PTH1R: variants seen among roughly 807,000 people sequenced by gnomAD.
PTH1R encodes parathyroid hormone/parathyroid hormone-related peptide receptor.
A neutral mutation model predicts 70.7 loss-of-function variants in PTH1R; 32 were observed. The observed-to-expected ratio is 0.45, with a 90% CI of 0.34 to 0.61. The LOEUF (loss-of-function observed/expected upper bound fraction) is 0.61. Ranked by LOEUF, PTH1R falls within the 20% of genes least tolerant of loss-of-function variation. The pLI, the probability that PTH1R is intolerant of heterozygous loss-of-function variation, is 0.01. For synonymous variants in PTH1R, 329 were observed against 324.8 expected (o/e 1.01, Z -0.14); for missense variants, 626 against 792.5 (o/e 0.79, Z 2.52).
rs1336734745 is a variant in PTH1R at position 46,902,779 on chromosome 3, T to G, written c.1384T>G (p.Cys462Gly). ...GFFVAIIYCF[C>G]NGEVQAEIKK... ...TTTTGTCGCAATCATATACTGTTTC[T>G]GCAATGGCGAGGTAAGCAGGAGACA... The change falls in exon 15 of 16, where the codon TGC (cysteine) becomes GGC (glycine). Residue 462 changes from cysteine (C) to glycine (G), a missense_variant. Transcript: ENST00000449590. This position sits in a 1 kb window ranked among gnomAD's most constrained non-coding sequence, Gnocchi z 5.4. The G allele has an allele frequency of 6.2e-7, 1 of 1,613,798 alleles. No individual in the cohort carries two copies. Among genetic ancestry groups the G allele is most frequent in the South Asian group, 1.1e-5 (1 of 91,084 alleles).
chr3:46,888,642 C>A (rs774122545), intron 3 of PTH1R, among the ~76,000 whole-genome samples: 8 of 151,834 alleles, frequency 5.3e-5, no homozygotes, highest in Admixed American at 3.9e-4. Context: ...GACCTTCAAA[C>A]CCTTAAAAGC....
In PTH1R at chr3:46,893,712, C is replaced by T. The variant is rs575631334; in HGVS notation, c.76-195C>T. On this transcript the variant is annotated intron_variant, in intron 3 of 15. Coordinates refer to ENST00000449590, the MANE Select transcript of PTH1R (RefSeq NM_000316.3). The surrounding 1 kb of genome is among the most constrained non-coding windows in gnomAD (Gnocchi z 5.2). ...TCCCTTCGATCAGGCAGGCCCTACCCCTCAGAGCCACAGCTTCCCATCTGT... is the reference window on the plus strand; with the variant it reads ...TCCCTTCGATCAGGCAGGCCCTACCTCTCAGAGCCACAGCTTCCCATCTGT... 1.3e-5 allele frequency among the ~76,000 whole-genome samples: 2 copies of T among 152,332 alleles called. No individual in the cohort carries two copies. The highest frequency in any genetic ancestry group is 4.8e-5 in the African/African-American group (2 of 41,560).
chr3:46,886,546 A>G (rs2031042658), intron 3 of PTH1R, among the ~76,000 whole-genome samples: 1 of 151,986 alleles, frequency 6.6e-6, no homozygotes, highest in Non-Finnish European at 1.5e-5. Context: ...TTTAGTAGAG[A>G]TGGAGTTTCA....
intron 10 of PTH1R, among the ~76,000 whole-genome samples, chr3:46,900,683 T>A (rs1388186870): frequency 1.3e-5 from 2 of 152,070 alleles, no homozygotes; most frequent in Non-Finnish European, 2.9e-5. Context: ...CCATGGGAGC[T>A]GCAAGTCCAA....
chr3:46,879,691 G>A lies in PTH1R; in HGVS notation c.-105-1371G>A, dbSNP rs748436795. On this transcript the variant is annotated intron_variant, in intron 1 of 15. Coordinates refer to ENST00000449590, the MANE Select transcript of PTH1R (RefSeq NM_000316.3). The surrounding 1 kb of genome is among the most constrained non-coding windows in gnomAD (Gnocchi z 4.7). Reference sequence around the variant, plus strand: ...GAGCCCAGGAGGTCAAGGCTGCTGTGAGCCATGACCGTGCCACTGCACTCC... The same window carrying A: ...GAGCCCAGGAGGTCAAGGCTGCTGTAAGCCATGACCGTGCCACTGCACTCC... Among the ~76,000 whole-genome samples, 1 of 152,162 alleles carries A rather than the reference G, an allele frequency of 6.6e-6. No individual in the cohort carries two copies. The highest frequency in any genetic ancestry group is 1.5e-5 in the Non-Finnish European group (1 of 68,026).
chr3:46,895,319 C>T (rs900403862), intron 4 of PTH1R, among the ~76,000 whole-genome samples: 2 of 152,202 alleles, frequency 1.3e-5, no homozygotes, highest in African/African-American at 4.8e-5. Flanking sequence ...TTAATTTTCG[C>T]TATGTAACCT....
chr3:46,883,568 C>G lies in PTH1R; in HGVS notation c.9C>G (p.Thr3=). 2 of 1,537,240 alleles carry G rather than the reference C, an allele frequency of 1.3e-6. No homozygotes were observed. The highest frequency in any genetic ancestry group is 1.8e-4 in the Middle Eastern group (1 of 5,426). ...GGCCCTAGGCGGTGGCGATGGGGAC[C>G]GCCCGGATCGCACCCGGCCTGGCGC... MG[T]ARIAPGLALL... The change falls in exon 3 of 16, where the codon ACC becomes ACG. Residue 3 remains threonine, a synonymous_variant. Coordinates refer to ENST00000449590, the MANE Select transcript of PTH1R (RefSeq NM_000316.3). The surrounding 1 kb of genome is among the most constrained non-coding windows in gnomAD (Gnocchi z 6.4).
Position 46,898,797 on chromosome 3 carries a change from G to A in PTH1R, c.774G>A (p.Glu258=). 1 of 1,595,034 alleles carries A rather than the reference G, an allele frequency of 6.3e-7. No homozygotes were observed. The highest frequency in any genetic ancestry group is 8.5e-7 in the Non-Finnish European group (1 of 1,175,698). Residue 258 remains glutamate (E), a synonymous_variant, in exon 9 of 16, where the codon GAG becomes GAA. Transcript: ENST00000449590. ...ATLDEAERLT[E]EELRAIAQAP... is the part of the protein sequence containing the mutation. ...TTGATGAGGCTGAGCGCCTCACCGAGGAGGAGCTGCGCGCCATCGCCCAGG... is the reference window on the plus strand; with the variant it reads ...TTGATGAGGCTGAGCGCCTCACCGAAGAGGAGCTGCGCGCCATCGCCCAGG...
chr3:46,899,486 C>T (rs570456160), intron 10 of PTH1R, 30 bp downstream of exon 10: 17 of 1,601,610 alleles, frequency 1.1e-5, no homozygotes, highest in African/African-American at 5.4e-5. Context: ...AGCGAGGTGC[C>T]GGCAGGGGTG....
chr3:46,897,440 A>G (rs2031816551), intron 5 of PTH1R, among the ~76,000 whole-genome samples: 2 of 152,134 alleles, frequency 1.3e-5, no homozygotes, highest in Non-Finnish European at 2.9e-5. Context: ...GGAACCAACA[A>G]CCACTGATGG....
chr3:46,898,836 T>A lies in PTH1R; in HGVS notation c.813T>A (p.Pro271=). 6.4e-7 allele frequency: 1 copy of A among 1,553,460 alleles called. No individual in the cohort carries two copies. The stretch of plus-strand genomic sequence containing the variant: ...CCATCGCCCAGGCGCCCCCGCCGCC[T>A]GCCACCGCCGCTGCCGGCTACGTGA... The part of the protein sequence containing the change: ...LRAIAQAPPP[P]ATAAAGYAGC... The change falls in exon 9 of 16, where the codon CCT becomes CCA. Residue 271 remains proline (P), a synonymous_variant. Coordinates refer to ENST00000449590, the MANE Select transcript of PTH1R (RefSeq NM_000316.3).
At chr3:46,898,948 C>G (rs1420807703) in intron 9 of PTH1R, 91 bp downstream of exon 9, 4 of 939,030 alleles carry the variant, frequency 4.3e-6, no homozygotes, top group African/African-American at 1.7e-5. Context: ...CTCGCCCTGC[C>G]CGCCTCCTGC....
At position 46,893,743 on chromosome 3, in the gene PTH1R, G is replaced by A. The variant is rs61586446; in HGVS notation, c.76-164G>A. ...AGCCACAGCTTCCCATCTGTAAGGT[G>A]TGAGCTCCATAGAGCAGATTCCCCA... is the stretch of plus-strand genomic sequence containing the variant. On this transcript the variant is annotated intron_variant, in intron 3 of 15. Coordinates refer to ENST00000449590, the MANE Select transcript of PTH1R (RefSeq NM_000316.3). This position sits in a 1 kb window ranked among gnomAD's most constrained non-coding sequence, Gnocchi z 5.2. Among the ~76,000 whole-genome samples, 8 of 152,316 alleles carry A rather than the reference G, an allele frequency of 5.3e-5. No homozygotes were observed. In the East Asian group the frequency reaches 1.5e-3, roughly 29 times the overall value.
rs540920290 is a variant in PTH1R at position 46,883,148 on chromosome 3, A to AAAAGAAAGAAAG, written c.-48-344_-48-333dup. On this transcript the variant is annotated intron_variant, in intron 2 of 15. Transcript: ENST00000449590. This position sits in a 1 kb window ranked among gnomAD's most constrained non-coding sequence, Gnocchi z 6.4. Reference sequence around the variant, plus strand: ...AGCTCCCATTTCCCCAAAAGAAAAAAAAAGAAAGAAAGAAAGAAAGAAAGA... The same window carrying AAAAGAAAGAAAG: ...AGCTCCCATTTCCCCAAAAGAAAAAAAAAGAAAGAAAGAAAGAAAGAAAGAAAGAAAGAAAGA... Among the ~76,000 whole-genome samples the AAAAGAAAGAAAG allele has an allele frequency of 4.5e-3, 641 of 142,234 alleles. 5 individuals carry two copies. Among genetic ancestry groups the AAAAGAAAGAAAG allele is most frequent in the Non-Finnish European group, 3.9e-3 (254 of 64,928 alleles). 93.3% of individuals were successfully genotyped at this position (142,234 alleles called of 152,430 possible).
At position 46,893,996 on chromosome 3, in the gene PTH1R, C is replaced by G; in HGVS notation, c.165C>G (p.Val55=). 6.2e-7 allele frequency: 1 copy of G among 1,614,024 alleles called. No individual in the cohort carries two copies. The highest frequency in any genetic ancestry group is 8.5e-7 in the Non-Finnish European group (1 of 1,180,002). The change falls in exon 4 of 16, where the codon GTC becomes GTG. Residue 55 remains valine (V), a synonymous_variant. Coordinates refer to ENST00000449590, the MANE Select transcript of PTH1R (RefSeq NM_000316.3). The surrounding 1 kb of genome is among the most constrained non-coding windows in gnomAD (Gnocchi z 5.2). ...AGTGCGAAAAACGGCTCAAGGAGGT[C>G]CTGCAGAGGCCAGGTGGGGGTCAAA... ...QAQCEKRLKE[V]LQRPASIMES...
At position 46,903,710 on chromosome 3, in the gene PTH1R, A is replaced by G. The variant is rs1477707892; in HGVS notation, c.*54A>G. On this transcript the variant is annotated 3_prime_UTR_variant, in exon 16 of 16. Transcript: ENST00000449590. The surrounding 1 kb of genome is among the most constrained non-coding windows in gnomAD (Gnocchi z 4.4). ...ATAGTGGATGGACAGATGGACCAAAAGATGGGTGGTTGAATGATTTCCCAC... is the reference window on the plus strand; with the variant it reads ...ATAGTGGATGGACAGATGGACCAAAGGATGGGTGGTTGAATGATTTCCCAC... 2 of 1,600,236 alleles carry G rather than the reference A, an allele frequency of 1.2e-6. No homozygotes were observed. The highest frequency in any genetic ancestry group is 2.2e-5 in the East Asian group (1 of 44,896).
rs1196581652 is a variant in PTH1R at position 46,891,469 on chromosome 3, G to T, written c.76-2438G>T. Among the ~76,000 whole-genome samples the T allele has an allele frequency of 6.6e-6, 1 of 152,238 alleles. No individual in the cohort carries two copies. The highest frequency in any genetic ancestry group is 2.4e-5 in the African/African-American group (1 of 41,470). The stretch of plus-strand genomic sequence containing the variant: ...TGGTCTGTCTGTTGGGAGGCCCAGG[G>T]AGTCAGCAAGTCTCTAAGGATGTGT... On this transcript the variant is annotated intron_variant, in intron 3 of 15. Transcript: ENST00000449590. The surrounding 1 kb of genome is among the most constrained non-coding windows in gnomAD (Gnocchi z 4.3).
chr3:46,899,563 A>G (rs2031991861), intron 10 of PTH1R, 107 bp downstream of exon 10: 1 of 1,419,242 alleles, frequency 7.0e-7, no homozygotes. Flanking sequence ...TCCCGCCCCA[A>G]GTGGAACAGC....
In PTH1R at chr3:46,903,765, GAAAAAAAGAAA is replaced by G. The variant is rs1275868396; in HGVS notation, c.*123_*133del. 139 of 1,469,288 alleles carry G rather than the reference GAAAAAAAGAAA, an allele frequency of 9.5e-5. 1 individual carries two copies. Among genetic ancestry groups the G allele is most frequent in the African/African-American group, 5.0e-4 (35 of 70,140 alleles). 91.0% of individuals were successfully genotyped at this position (1,469,288 alleles called of 1,614,324 possible). A position where few individuals can be genotyped will look rare whatever the true frequency, so the allele number is the denominator to read the frequency against. ...GGCTGGGGCCAAGAGGAAAAACAGG[GAAAAAAAGAAA>G]AAAAAAAGAAAAAGGAAAAGGAAGC... On this transcript the variant is annotated 3_prime_UTR_variant, in exon 16 of 16. Transcript: ENST00000449590. The surrounding 1 kb of genome is among the most constrained non-coding windows in gnomAD (Gnocchi z 4.4).
Sources: gnomAD v4.1 joint callset for allele counts (sites outside exome capture counted in the v4.1 genomes callset) on GRCh38, gnomAD v4.1.1 for gene constraint, Gnocchi (gnomAD v3.1) non-coding constraint, MANE v1.5 for transcripts, NCBI Gene and HGNC (gene_info 2026-07-23, HGNC 2026-07-21) for gene names.